The following HECW1 variants were observed in gnomAD, a reference collection of about 807,000 sequenced individuals.
HECW1 encodes the protein HECT, C2 and WW domain containing E3 ubiquitin protein ligase 1, also known as E3 ubiquitin-protein ligase HECW1.
In HECW1, 61 loss-of-function variants were observed where a neutral mutation model predicts 182.3. That is an observed-to-expected ratio of 0.33 (90% CI 0.27 to 0.41). The LOEUF is 0.41. Ranked by LOEUF, HECW1 falls within the 10% of genes least tolerant of loss-of-function variation. The pLI, the probability that HECW1 is intolerant of heterozygous loss-of-function variation, is 1.00. For missense variants in HECW1, 1,739 were observed against 2,108.9 expected (o/e 0.82, Z 3.44); for synonymous variants, 859 against 832.6 (o/e 1.03, Z -0.55).
chr7:43,564,822 A>G lies in HECW1; in HGVS notation c.*2896A>G, dbSNP rs1407294296. 1 of 182,782 alleles carries G rather than the reference A, an allele frequency of 5.5e-6. No individual in the cohort carries two copies. Among genetic ancestry groups the G allele is most frequent in the Non-Finnish European group, 1.2e-5 (1 of 85,790 alleles). 11.3% of individuals were successfully genotyped at this position (182,782 alleles called of 1,614,324 possible). A position where few individuals can be genotyped will look rare whatever the true frequency, so the allele number is the denominator to read the frequency against. Reference sequence around the variant, plus strand: ...AACTAAATTTCACTTAGGTGGAGGTATAAACCACCTTAAATTATATAGTTC... The same window carrying G: ...AACTAAATTTCACTTAGGTGGAGGTGTAAACCACCTTAAATTATATAGTTC... On this transcript the variant is annotated 3_prime_UTR_variant, in exon 30 of 30. Coordinates refer to ENST00000395891, the MANE Select transcript of HECW1 (RefSeq NM_015052.5).
intron 8 of HECW1, among the ~76,000 whole-genome samples, chr7:43,434,596 C>G (rs1032120083): frequency 6.6e-6 from 1 of 152,190 alleles, no homozygotes; most frequent in Non-Finnish European, 1.5e-5. Flanking sequence ...AACAGACAGA[C>G]TTTTACATTT....
intron 2 of HECW1, among the ~76,000 whole-genome samples, chr7:43,124,021 A>C (rs559683766): frequency 2.5e-4 from 38 of 152,330 alleles, no homozygotes; most frequent in African/African-American, 8.2e-4. Context: ...CAGGTGTGGG[A>C]GTGATTGGGG....
intron 3 of HECW1, among the ~76,000 whole-genome samples, chr7:43,295,826 A>G (rs1805977807): frequency 6.6e-6 from 1 of 152,234 alleles, no homozygotes; most frequent in Non-Finnish European, 1.5e-5. Flanking sequence ...TACTCATACC[A>G]GATAAACAGA....
At chr7:43,281,266 G>A (rs574933650) in intron 3 of HECW1, among the ~76,000 whole-genome samples, 2 of 152,180 alleles carry the variant, frequency 1.3e-5, no homozygotes, top group Admixed American at 1.3e-4. Flanking sequence ...GCTCCAAAAC[G>A]GCATCTCCTA....
chr7:43,545,408 A>G (rs1194502531), intron 26 of HECW1, among the ~76,000 whole-genome samples: 1 of 152,226 alleles, frequency 6.6e-6, no homozygotes, highest in Non-Finnish European at 1.5e-5. Flanking sequence ...CAACTTAGAA[A>G]AAAAGCTTAA....
intron 2 of HECW1, among the ~76,000 whole-genome samples, chr7:43,129,081 C>T (rs541900472): frequency 1.8e-4 from 28 of 152,200 alleles, no homozygotes; most frequent in South Asian, 4.2e-4. Context: ...GAAATGACAA[C>T]GAAGGATTTA....
intron 2 of HECW1, among the ~76,000 whole-genome samples, chr7:43,175,863 C>A (rs1264346577): frequency 6.6e-6 from 1 of 152,170 alleles, no homozygotes; most frequent in East Asian, 1.9e-4. Flanking sequence ...CTCATTTTAA[C>A]ACCCTCTCGG....
Position 43,541,955 on chromosome 7 carries a change from T to C in HECW1, c.4205T>C (p.Ile1402Thr), listed in dbSNP as rs1239689613. Reference protein sequence around the residue: ...QWMKDNNITDILDLTFTVNEE... With the variant: ...QWMKDNNITDTLDLTFTVNEE... ...ATGAAGGACAACAACATCACAGACA[T>C]CTTAGACCTCACTTTCACTGTTAAT... is the stretch of plus-strand genomic sequence containing the variant. Residue 1402 changes from isoleucine (I) to threonine (T), a missense_variant, in exon 26 of 30, where the codon ATC becomes ACC. By Grantham distance (89) the Ile-to-Thr change is moderately conservative. This residue lies in a region of HECW1 where 420 missense variants were observed against 595.7 expected (regional missense o/e 0.71). Coordinates refer to ENST00000395891, the MANE Select transcript of HECW1 (RefSeq NM_015052.5). 6.4e-7 allele frequency: 1 copy of C among 1,557,996 alleles called. No homozygotes were observed. Among genetic ancestry groups the C allele is most frequent in the African/African-American group, 1.4e-5 (1 of 72,480 alleles).
In HECW1 at chr7:43,563,895, AT is replaced by A. The variant is rs957851150; in HGVS notation, c.*1976del. Reference sequence around the variant, plus strand: ...AAAAAAAATAAATAAAAATAAAAGCATTTTTTTAGTAGGAATTATCTACAAT... The same window carrying A: ...AAAAAAAATAAATAAAAATAAAAGCATTTTTTAGTAGGAATTATCTACAAT... On this transcript the variant is annotated 3_prime_UTR_variant, in exon 30 of 30. Transcript: ENST00000395891. 3.2e-4 allele frequency: 58 copies of A among 183,026 alleles called. No individual in the cohort carries two copies. The highest frequency in any genetic ancestry group is 1.0e-3 in the African/African-American group (43 of 42,574). 11.3% of individuals were successfully genotyped at this position (183,026 alleles called of 1,614,324 possible). A position where few individuals can be genotyped will look rare whatever the true frequency, so the allele number is the denominator to read the frequency against.
intron 13 of HECW1, among the ~76,000 whole-genome samples, chr7:43,460,501 T>G (rs2077544974): frequency 6.6e-6 from 1 of 152,142 alleles, no homozygotes; most frequent in Non-Finnish European, 1.5e-5. Flanking sequence ...GAGGGCTTTT[T>G]TCCTTCTTGT....
In HECW1 at chr7:43,564,847, C is replaced by T. The variant is rs985441832; in HGVS notation, c.*2921C>T. 6 of 183,018 alleles carry T rather than the reference C, an allele frequency of 3.3e-5. No individual in the cohort carries two copies. Among genetic ancestry groups the T allele is most frequent in the South Asian group, 2.0e-4 (1 of 5,080 alleles). 11.3% of individuals were successfully genotyped at this position (183,018 alleles called of 1,614,324 possible). On this transcript the variant is annotated 3_prime_UTR_variant, in exon 30 of 30. Transcript: ENST00000395891. ...ATAAACCACCTTAAATTATATAGTT[C>T]GGCAGAAAGACAGATCTATTTGTTA...
intron 2 of HECW1, among the ~76,000 whole-genome samples, chr7:43,141,148 C>A (rs899235884): frequency 6.6e-6 from 1 of 152,218 alleles, no homozygotes; most frequent in Non-Finnish European, 1.5e-5. Flanking sequence ...TCTGCCAGCA[C>A]TGCGAGGTGA....
At position 43,303,198 on chromosome 7, in the gene HECW1, T is replaced by C. The variant is rs183441481; in HGVS notation, c.28-8565T>C. Among the ~76,000 whole-genome samples the C allele has an allele frequency of 2.7e-4, 41 of 152,172 alleles. 1 individual carries two copies. In the East Asian group the frequency reaches 7.2e-3, roughly 27 times the overall value. On this transcript the variant is annotated intron_variant, in intron 3 of 29. Coordinates refer to ENST00000395891, the MANE Select transcript of HECW1 (RefSeq NM_015052.5). ...ATAAACCTCCCAAATAACCCAGAGC[T>C]GCACCAAGCAGTCCTAGACTTGAGC...
At chr7:43,267,578 T>A (rs1454211189) in intron 3 of HECW1, among the ~76,000 whole-genome samples, 2 of 151,124 alleles carry the variant, frequency 1.3e-5, no homozygotes, top group Non-Finnish European at 3.0e-5. Context: ...GAAAGAAAAA[T>A]TAAATAACTA....
intron 4 of HECW1, among the ~76,000 whole-genome samples, chr7:43,316,737 A>G (rs1024822854): frequency 2.1e-4 from 13 of 61,882 alleles, no homozygotes; most frequent in African/African-American, 7.1e-4. Context: ...GGCCCACAGC[A>G]TCCATTCCAG....
intron 3 of HECW1, among the ~76,000 whole-genome samples, chr7:43,290,331 A>C (rs536496256): frequency 1.3e-5 from 2 of 152,236 alleles, no homozygotes; most frequent in Non-Finnish European, 2.9e-5. Flanking sequence ...CATGACACCA[A>C]GATAAATTTT....
chr7:43,262,840 A>G (rs1801331188), intron 3 of HECW1, among the ~76,000 whole-genome samples: 2 of 152,152 alleles, frequency 1.3e-5, no homozygotes, highest in South Asian at 2.1e-4. Flanking sequence ...CCTACTTCCC[A>G]GTCCCCAGGC....
rs561910116 is a variant in HECW1 at position 43,305,708 on chromosome 7, C to T, written c.28-6055C>T. Among the ~76,000 whole-genome samples the T allele has an allele frequency of 1.1e-4, 17 of 152,128 alleles. No individual in the cohort carries two copies. In the East Asian group the frequency reaches 3.1e-3, roughly 28 times the overall value. On this transcript the variant is annotated intron_variant, in intron 3 of 29. Transcript: ENST00000395891. ...CTCCACCTCCCGGGTTCAAGCGATT[C>T]TCCCTGCCACAGCTTCAGCAGCTGC...
At chr7:43,447,793 G>C (rs942936423) in intron 11 of HECW1, among the ~76,000 whole-genome samples, 1 of 152,074 alleles carries the variant, frequency 6.6e-6, no homozygotes, top group Non-Finnish European at 1.5e-5. Flanking sequence ...TTGCTCCTTC[G>C]CCTTGACTTC....
Sources: gnomAD v4.1 joint callset for allele counts (sites outside exome capture counted in the v4.1 genomes callset) on GRCh38, gnomAD v4.1.1 for gene constraint, gnomAD v4.1.1 regional missense constraint, MANE v1.5 for transcripts, NCBI Gene and HGNC (gene_info 2026-07-23, HGNC 2026-07-21) for gene names.